Variants in CDC42BPA observed in about 807,000 individuals in gnomAD.
CDC42BPA encodes the protein CDC42 binding protein kinase alpha.
In CDC42BPA, 80 loss-of-function variants were observed where a neutral mutation model predicts 223.5. The observed-to-expected ratio is 0.36, with a 90% CI of 0.30 to 0.43. The LOEUF is 0.43. Among genes scored for constraint, CDC42BPA ranks in the 20% least tolerant of loss-of-function variants. CDC42BPA has a pLI of 1.00. For synonymous variants in CDC42BPA, 694 were observed against 718.6 expected (o/e 0.97, Z 0.55); for missense variants, 1,743 against 2,099.9 (o/e 0.83, Z 3.32).
chr1:227,212,589 G>T (rs1222893006), intron 3 of CDC42BPA, among the ~76,000 whole-genome samples: 1 of 152,018 alleles, frequency 6.6e-6, no homozygotes, highest in Non-Finnish European at 1.5e-5. Flanking sequence ...CATACCAGCT[G>T]CTGGATATTT....
chr1:227,313,746 A>C (rs768982123), intron 1 of CDC42BPA, among the ~76,000 whole-genome samples: 1 of 142,406 alleles, frequency 7.0e-6, no homozygotes, highest in Admixed American at 7.2e-5. Flanking sequence ...CTTAATTAAC[A>C]CTCGTGTCAT....
intron 30 of CDC42BPA, among the ~76,000 whole-genome samples, chr1:227,027,582 A>G (rs1038541546): frequency 6.6e-6 from 1 of 152,132 alleles, no homozygotes; most frequent in Non-Finnish European, 1.5e-5. Flanking sequence ...TTTTTCATTA[A>G]AAACAAAACA....
intron 10 of CDC42BPA, among the ~76,000 whole-genome samples, chr1:227,137,788 T>G (rs1212968205): frequency 3.3e-5 from 5 of 152,020 alleles, no homozygotes; most frequent in African/African-American, 1.2e-4. Context: ...ACCATTTATA[T>G]GAAGATCAAA....
At chr1:227,142,766 C>T (rs1019897515) in intron 9 of CDC42BPA, among the ~76,000 whole-genome samples, 179 bp downstream of exon 9, 4 of 152,064 alleles carry the variant, frequency 2.6e-5, no homozygotes, top group Admixed American at 2.0e-4. Flanking sequence ...ATTACAGGCA[C>T]CTGCCACCAC....
chr1:227,106,789 T>G (rs2149352138), intron 14 of CDC42BPA, among the ~76,000 whole-genome samples: 1 of 152,332 alleles, frequency 6.6e-6, no homozygotes, highest in South Asian at 2.1e-4. Flanking sequence ...TAGGTTAATA[T>G]TCAGTTGTCC....
At chr1:227,196,560 C>T (rs1054842634) in intron 4 of CDC42BPA, among the ~76,000 whole-genome samples, 2 of 151,854 alleles carry the variant, frequency 1.3e-5, no homozygotes, top group African/African-American at 2.4e-5. Flanking sequence ...AGGATGGTCT[C>T]GATCTCCTGA....
rs796355462 is a variant in CDC42BPA, at chr1:227,158,382, A to AT, written c.693+2160dup. On this transcript the variant is annotated intron_variant, in intron 6 of 36. Coordinates refer to ENST00000366766, the MANE Select transcript of CDC42BPA (RefSeq NM_001394014.1). ...ATGCCCATTTTTGTTTGGTTCAGTG[A>AT]TTTTTTTTTTTGAATCCTTGTCATT... 1.2e-3 allele frequency among the ~76,000 whole-genome samples: 183 copies of AT among 148,912 alleles called. 1 individual carries two copies. Among genetic ancestry groups the AT allele is most frequent in the African/African-American group, 3.3e-3 (135 of 40,740 alleles).
chr1:227,122,929 G>T (rs1047022220), intron 11 of CDC42BPA, among the ~76,000 whole-genome samples: 1 of 152,162 alleles, frequency 6.6e-6, no homozygotes, highest in Non-Finnish European at 1.5e-5. Context: ...GAAATCCAGA[G>T]ACTATTATAA....
At chr1:227,092,502 A>C (rs924296531) in intron 15 of CDC42BPA, among the ~76,000 whole-genome samples, 2 of 152,174 alleles carry the variant, frequency 1.3e-5, no homozygotes, top group African/African-American at 4.8e-5. Flanking sequence ...GTTCTATCCA[A>C]AGGCAAATTA....
At chr1:227,273,995 C>CAGA (rs1223295608) in intron 1 of CDC42BPA, among the ~76,000 whole-genome samples, 18 of 57,004 alleles carry the variant, frequency 3.2e-4, no homozygotes, top group Non-Finnish European at 5.4e-4. Context: ...TCGTATACAC[C>CAGA]AAAAAAAAAA....
chr1:227,085,128 A>C (rs1681587213), intron 16 of CDC42BPA, among the ~76,000 whole-genome samples: 1 of 151,602 alleles, frequency 6.6e-6, no homozygotes, highest in Admixed American at 6.6e-5. Flanking sequence ...CAGCCTATAT[A>C]ATCACTTGAG....
chr1:227,301,413 G>C (rs977120111), intron 1 of CDC42BPA, among the ~76,000 whole-genome samples: 6 of 150,988 alleles, frequency 4.0e-5, no homozygotes, highest in African/African-American at 7.3e-5. Flanking sequence ...AAGCTAGAGT[G>C]CGGTGGCGCG....
chr1:227,148,016 TA>T (rs1372745592), intron 6 of CDC42BPA, among the ~76,000 whole-genome samples: 5 of 152,050 alleles, frequency 3.3e-5, no homozygotes, highest in Non-Finnish European at 5.9e-5. Context: ...AATAGAAACC[TA>T]AGAAAATACA....
At chr1:227,245,227 T>TCC (rs999210125) in intron 2 of CDC42BPA, among the ~76,000 whole-genome samples, 3 of 150,874 alleles carry the variant, frequency 2.0e-5, no homozygotes, top group South Asian at 4.2e-4. Context: ...CCAGACTGAC[T>TCC]CCTTCCTTCT....
intron 1 of CDC42BPA, among the ~76,000 whole-genome samples, chr1:227,267,889 G>A (rs1307667967): frequency 6.6e-6 from 1 of 152,074 alleles, no homozygotes; most frequent in Non-Finnish European, 1.5e-5. Flanking sequence ...ATGAGATTCG[G>A]GTGGGGACAC....
At chr1:227,154,956 AAG>A (rs1463113659) in intron 6 of CDC42BPA, among the ~76,000 whole-genome samples, 3 of 152,202 alleles carry the variant, frequency 2.0e-5, no homozygotes, top group African/African-American at 4.8e-5. Context: ...GAGCAAGAAA[AAG>A]AATTATAGCA....
At chr1:227,102,521 T>C (rs1329783680) in intron 14 of CDC42BPA, among the ~76,000 whole-genome samples, 3 of 152,180 alleles carry the variant, frequency 2.0e-5, no homozygotes, top group Admixed American at 1.3e-4. Context: ...AGAACACTTT[T>C]AGTTTGATGT....
intron 1 of CDC42BPA, among the ~76,000 whole-genome samples, chr1:227,259,935 C>T (rs1353449289): frequency 1.3e-5 from 2 of 149,534 alleles, no homozygotes; most frequent in African/African-American, 2.5e-5. Flanking sequence ...TGATTTGGTA[C>T]TAAGGACAAA....
intron 2 of CDC42BPA, among the ~76,000 whole-genome samples, chr1:227,246,144 A>T (rs1490402933): frequency 2.6e-5 from 4 of 152,114 alleles, no homozygotes; most frequent in Admixed American, 2.0e-4. Flanking sequence ...GCTTTAAGTG[A>T]ACACTGGTGG....
Sources: allele counts gnomAD v4.1 joint callset (sites outside exome capture counted in the v4.1 genomes callset), GRCh38; gene constraint gnomAD v4.1.1; transcripts MANE v1.5; gene names NCBI Gene and HGNC (gene_info 2026-07-23, HGNC 2026-07-21).